The following POLK variants were observed in gnomAD, a reference collection of about 807,000 sequenced individuals.
POLK encodes the protein DNA polymerase kappa, also known as polymerase (DNA directed) kappa.
Under a neutral mutation model 94.0 loss-of-function variants are expected in POLK, and 76 were observed. The observed-to-expected ratio is 0.81, with a 90% CI of 0.67 to 0.98. The LOEUF (loss-of-function observed/expected upper bound fraction) is 0.98. Ranked by LOEUF, POLK falls within the 50% of genes least tolerant of loss-of-function variation. The pLI is 0.00. For synonymous variants in POLK, 349 were observed against 325.4 expected, an observed-to-expected ratio of 1.07 and a Z score of -0.78; for missense variants, 954 against 1,010.1, an observed-to-expected ratio of 0.94 and a Z score of 0.75.
chr5:75,605,157 ACT>A (rs1491018881), downstream of POLK, among the ~76,000 whole-genome samples: 227 of 138,432 alleles, frequency 1.6e-3, 2 homozygotes, highest in African/African-American at 5.7e-3. Context: ...ACACACACAC[ACT>A]ACCTCTGCCA....
intron 1 of POLK, among the ~76,000 whole-genome samples, chr5:75,530,503 C>T (rs1769121852): frequency 7.2e-6 from 1 of 137,958 alleles, no homozygotes; most frequent in African/African-American, 2.7e-5. Context: ...CTCCCAGGTT[C>T]AAGCGACTCT....
chr5:75,540,854 A>G (rs1220593766), intron 1 of POLK, among the ~76,000 whole-genome samples: 3 of 152,190 alleles, frequency 2.0e-5, no homozygotes. Flanking sequence ...CATTCCAAGA[A>G]ACAATCAACT....
intron 13 of POLK, chr5:75,597,491 C>T: frequency 2.5e-6 from 1 of 403,756 alleles, no homozygotes. Flanking sequence ...TTAACTATAA[C>T]TGCATAACTA....
chr5:75,605,231 C>T (rs777818308), downstream of POLK, among the ~76,000 whole-genome samples: 1 of 151,770 alleles, frequency 6.6e-6, no homozygotes. Context: ...CACTTCTTTC[C>T]ATTTCTTTTA....
In POLK at chr5:75,564,801, G is replaced by A. The variant is rs1771177196; in HGVS notation, c.256-4539G>A. Among the ~76,000 whole-genome samples the A allele has an allele frequency of 5.3e-5, 8 of 152,180 alleles. No individual in the cohort carries two copies. The South Asian group carries it at 1.5e-3, about 28-fold the overall frequency. ...CTTTGTAACCTGACCTTTCTCTCTG[G>A]CTGCCCTTAACATTTTTTCCTTCAT... On this transcript the variant is annotated intron_variant, in intron 3 of 14. Transcript: ENST00000241436.
the POLK span, among the ~76,000 whole-genome samples, chr5:75,606,674 G>A: frequency 6.6e-6 from 1 of 151,374 alleles, no homozygotes; most frequent in African/African-American, 2.4e-5. Flanking sequence ...TTGGGGGTAA[G>A]GTCACAGAAT....
intron 1 of POLK, among the ~76,000 whole-genome samples, chr5:75,524,469 A>G (rs1424063659): frequency 2.2e-4 from 33 of 152,232 alleles, no homozygotes; most frequent in Admixed American, 2.1e-3. Context: ...AACATGTGGA[A>G]TAGCTGTACT....
exon 13 of POLK, chr5:75,596,848 T>G: frequency 6.2e-7 from 1 of 1,613,430 alleles, no homozygotes; most frequent in Middle Eastern, 1.6e-4. Flanking sequence ...CATAGATGCT[T>G]TAAGTAATAA....
chr5:75,571,860 G>T (rs970895681), intron 4 of POLK, among the ~76,000 whole-genome samples: 3 of 151,324 alleles, frequency 2.0e-5, no homozygotes, highest in African/African-American at 7.4e-5. Flanking sequence ...TTATTTAAAA[G>T]TTTGTTTGTC....
In POLK at chr5:75,589,378, TATACACACATAC is replaced by T. The variant is rs1208806973; in HGVS notation, c.1260-964_1260-953del. 9.8e-4 allele frequency among the ~76,000 whole-genome samples: 101 copies of T among 103,040 alleles called. 1 individual carries two copies. Among genetic ancestry groups the T allele is most frequent in the African/African-American group, 3.8e-3 (96 of 25,044 alleles). 67.6% of individuals were successfully genotyped at this position (103,040 alleles called of 152,430 possible). On this transcript the variant is annotated intron_variant, in intron 10 of 14. Transcript: ENST00000241436. ...TCTTCTTGTTTGCTTATTTTATATA[TATACACACATAC>T]ACACACACACACACACACACACACA...
At chr5:75,598,274 G>A (rs1773194254) in exon 15 of POLK, 3 of 211,950 alleles carry the variant, frequency 1.4e-5, no homozygotes, top group Admixed American at 5.9e-5. Context: ...AGGGAAATTA[G>A]GAATGGGATA....
intron 2 of POLK, among the ~76,000 whole-genome samples, chr5:75,550,548 CA>C (rs1389675111): frequency 2.0e-5 from 3 of 152,018 alleles, no homozygotes; most frequent in Non-Finnish European, 4.4e-5. Flanking sequence ...CACTGCACTC[CA>C]GTCTGGGCAA....
chr5:75,586,927 T>C (rs951455495), intron 9 of POLK, 99 bp from the exon 10 acceptor site: 1 of 777,018 alleles, frequency 1.3e-6, no homozygotes, highest in Non-Finnish European at 2.1e-6. Flanking sequence ...AATAAAAAAT[T>C]TGAGAGCTCT....
intron 10 of POLK, among the ~76,000 whole-genome samples, chr5:75,589,199 C>T (rs1772622504): frequency 6.6e-6 from 1 of 151,774 alleles, no homozygotes; most frequent in South Asian, 2.1e-4. Context: ...GGTTAAATTA[C>T]CTTACATCAT....
chr5:75,567,376 T>C (rs1327844131), intron 3 of POLK, among the ~76,000 whole-genome samples: 2 of 152,200 alleles, frequency 1.3e-5, no homozygotes, highest in African/African-American at 4.8e-5. Flanking sequence ...GTGGTCATGG[T>C]GCTATTCTCT....
intron 10 of POLK, among the ~76,000 whole-genome samples, chr5:75,587,954 A>G (rs184097358): frequency 2.6e-4 from 40 of 152,284 alleles, no homozygotes; most frequent in Admixed American, 2.4e-3. Context: ...ACACTGACCT[A>G]GTACAAGATT....
At chr5:75,594,980 G>T (rs1772989200) in intron 12 of POLK, among the ~76,000 whole-genome samples, 1 of 152,174 alleles carries the variant, frequency 6.6e-6, no homozygotes, top group South Asian at 2.1e-4. Context: ...GCTGGGCGCG[G>T]TGGCTCACGC....
chr5:75,593,338 G>GTCTTGAACCAACCAAATATGAGTACCA (rs1418430205), intron 11 of POLK, among the ~76,000 whole-genome samples: 1 of 152,036 alleles, frequency 6.6e-6, no homozygotes, highest in Non-Finnish European at 1.5e-5. Flanking sequence ...CACCATGTTG[G>GTCTTGAACCAACCAAATATGAGTACCA]CCAGGCTGGT....
At chr5:75,587,114 T>A in intron 10 of POLK, 56 bp downstream of exon 10, 1 of 992,564 alleles carries the variant, frequency 1.0e-6, no homozygotes, top group Admixed American at 2.4e-5. Context: ...TTTAAACTAA[T>A]ATTGAATTAA....
Sources: gnomAD v4.1 joint callset for allele counts (sites outside exome capture counted in the v4.1 genomes callset) on GRCh38, gnomAD v4.1.1 for gene constraint, MANE v1.5 for transcripts, NCBI Gene and HGNC (gene_info 2026-07-23, HGNC 2026-07-21) for gene names.